CORIN: variants seen among roughly 807,000 people sequenced by gnomAD.
CORIN encodes the protein atrial natriuretic peptide-converting enzyme.
A neutral mutation model predicts 125.3 loss-of-function variants in CORIN; 117 were observed. The ratio of observed to expected loss-of-function variants is 0.93; its 90% confidence interval spans 0.80 to 1.09. CORIN has a LOEUF of 1.09. Among genes scored for constraint, CORIN ranks in the 50% least tolerant of loss-of-function variants. The probability of loss-of-function intolerance (pLI) is 0.00; values close to 1 mark genes in which losing one functional copy is unlikely to be tolerated. For synonymous variants in CORIN, 450 were observed against 466.4 expected (o/e 0.96, Z 0.45); for missense variants, 1,253 against 1,306.7 (o/e 0.96, Z 0.63).
chr4:47,756,710 A>C (rs965511605), intron 4 of CORIN, among the ~76,000 whole-genome samples: 1 of 152,196 alleles, frequency 6.6e-6, no homozygotes, highest in African/African-American at 2.4e-5. Flanking sequence ...TGGCAAATCA[A>C]TATGTCAGAG....
In CORIN at chr4:47,683,775, T is replaced by C; in HGVS notation, c.977A>G (p.Asp326Gly). ...GKCLNYSLVC[D>G]GYDDCGDLSD... Reference sequence around the variant, plus strand: ...CAAATCCCCACAGTCATCATATCCATCACACACAAGGCTGTAATTAAGGCA... The same window carrying C: ...CAAATCCCCACAGTCATCATATCCACCACACACAAGGCTGTAATTAAGGCA... Residue 326 changes from aspartate (D) to glycine (G), a missense_variant, in exon 7 of 22, where the codon GAT (aspartate) becomes GGT (glycine). Physicochemically the swap from Asp to Gly is moderately conservative, Grantham distance 94 (BLOSUM62 -1). Transcript: ENST00000273857. 3 of 1,613,816 alleles carry C rather than the reference T, an allele frequency of 1.9e-6. No homozygotes were observed. The highest frequency in any genetic ancestry group is 2.5e-6 in the Non-Finnish European group (3 of 1,179,822).
chr4:47,669,496 C>T (rs1341705002), intron 10 of CORIN, among the ~76,000 whole-genome samples: 1 of 151,950 alleles, frequency 6.6e-6, no homozygotes, highest in African/African-American at 2.4e-5. Context: ...CAGGCAGACA[C>T]CGCAGAAACC....
At chr4:47,752,403 A>G (rs1479193150) in intron 4 of CORIN, among the ~76,000 whole-genome samples, 2 of 152,174 alleles carry the variant, frequency 1.3e-5, no homozygotes, top group Non-Finnish European at 2.9e-5. Context: ...AAGTAAATGA[A>G]TCACACGCAG....
rs751515383 is a variant in CORIN, at chr4:47,603,482, C to T, written c.2727G>A (p.Arg909=). 18 of 1,614,162 alleles carry T rather than the reference C, an allele frequency of 1.1e-5. No homozygotes were observed. In the South Asian group the frequency reaches 1.6e-4, roughly 15 times the overall value. ...SEDISETGYV[R]PVCLPNPEQW... The stretch of plus-strand genomic sequence containing the variant: ...GCTCCGGGTTGGGCAAGCAGACAGG[C>T]CGGACGTAGCCAGTCTCACTGATGT... Residue 909 remains arginine, a synonymous_variant, in exon 20 of 22, where the codon CGG becomes CGA. Transcript: ENST00000273857.
intron 1 of CORIN, among the ~76,000 whole-genome samples, chr4:47,834,946 G>C (rs1733307119): frequency 6.6e-6 from 1 of 152,142 alleles, no homozygotes; most frequent in African/African-American, 2.4e-5. Context: ...AAGATTATTT[G>C]ACTTGCCCAG....
intron 6 of CORIN, among the ~76,000 whole-genome samples, chr4:47,690,642 G>A (rs937928185): frequency 2.6e-5 from 4 of 152,152 alleles, no homozygotes; most frequent in African/African-American, 9.7e-5. Context: ...CTACTTGCGA[G>A]AACCTTAGGA....
chr4:47,763,295 G>A (rs1189739367), intron 4 of CORIN, 84 bp downstream of exon 4: 13 of 1,006,330 alleles, frequency 1.3e-5, no homozygotes, highest in East Asian at 2.6e-5. Context: ...AAATAAAAGG[G>A]AGTCATTTGG....
chr4:47,741,747 T>C (rs1181371770), intron 5 of CORIN, among the ~76,000 whole-genome samples: 2 of 152,024 alleles, frequency 1.3e-5, no homozygotes, highest in East Asian at 3.8e-4. Flanking sequence ...GTACTAATAA[T>C]ACATGCTACA....
chr4:47,631,129 G>C (rs984070907), intron 16 of CORIN, among the ~76,000 whole-genome samples: 2 of 150,406 alleles, frequency 1.3e-5, no homozygotes, highest in Non-Finnish European at 3.0e-5. Flanking sequence ...ACTGCAGGAT[G>C]TTTTGTAACA....
chr4:47,659,386 A>C (rs909055412), intron 12 of CORIN, among the ~76,000 whole-genome samples: 5 of 152,196 alleles, frequency 3.3e-5, no homozygotes, highest in Non-Finnish European at 5.9e-5. Flanking sequence ...TGCTATAAAG[A>C]AATATCTGAG....
rs575643040 is a variant in CORIN at position 47,731,363 on chromosome 4, G to A, written c.799+13039C>T. Among the ~76,000 whole-genome samples, 45 of 152,226 alleles carry A rather than the reference G, an allele frequency of 3.0e-4. No homozygotes were observed. In the South Asian group the frequency reaches 8.9e-3, roughly 30 times the overall value. On this transcript the variant is annotated intron_variant, in intron 5 of 21. Coordinates refer to ENST00000273857, the MANE Select transcript of CORIN (RefSeq NM_006587.4). ...GAGGAGGGATGTGGGCTAGAGATCC[G>A]CATTTGTAGTTGTCAGTGTACCAGT... is the stretch of plus-strand genomic sequence containing the variant.
intron 11 of CORIN, among the ~76,000 whole-genome samples, chr4:47,662,939 T>C (rs1167519223): frequency 6.6e-6 from 1 of 152,230 alleles, no homozygotes; most frequent in Non-Finnish European, 1.5e-5. Context: ...ATGGTATTTC[T>C]ATATTAGGTC....
At chr4:47,679,266 A>G (rs1725155587) in intron 8 of CORIN, among the ~76,000 whole-genome samples, 1 of 152,252 alleles carries the variant, frequency 6.6e-6, no homozygotes, top group African/African-American at 2.4e-5. Flanking sequence ...AAGTGTTAAT[A>G]GCCATACTTG....
At chr4:47,833,521 C>CAAAAAAAAAAAAAAAAAAGAA (rs1733180207) in intron 1 of CORIN, among the ~76,000 whole-genome samples, 2 of 115,042 alleles carry the variant, frequency 1.7e-5, no homozygotes, top group East Asian at 2.9e-4. Context: ...AAAGCATAGG[C>CAAAAAAAAAAAAAAAAAAGAA]AAAAAAAAAA....
chr4:47,701,534 C>T (rs886144046), intron 5 of CORIN, among the ~76,000 whole-genome samples: 1 of 152,008 alleles, frequency 6.6e-6, no homozygotes, highest in Non-Finnish European at 1.5e-5. Flanking sequence ...TGTCAAGAAA[C>T]AACAGAATAG....
intron 17 of CORIN, among the ~76,000 whole-genome samples, chr4:47,624,906 A>G (rs991725010): frequency 6.6e-6 from 1 of 152,022 alleles, no homozygotes; most frequent in Non-Finnish European, 1.5e-5. Context: ...CCCTAAATAT[A>G]TAATTTCCAC....
chr4:47,825,694 C>A (rs1290190805), intron 1 of CORIN, among the ~76,000 whole-genome samples: 1 of 149,288 alleles, frequency 6.7e-6, no homozygotes, highest in Non-Finnish European at 1.5e-5. Flanking sequence ...TTTCAAACCA[C>A]TGCTTTTTTT....
chr4:47,760,607 T>A (rs930422841), intron 4 of CORIN, among the ~76,000 whole-genome samples: 1 of 152,172 alleles, frequency 6.6e-6, no homozygotes, highest in African/African-American at 2.4e-5. Flanking sequence ...CCTTAGGATT[T>A]TGGGAATGGT....
At chr4:47,833,908 G>A (rs545669785) in intron 1 of CORIN, among the ~76,000 whole-genome samples, 1 of 152,288 alleles carries the variant, frequency 6.6e-6, no homozygotes, top group South Asian at 2.1e-4. Context: ...GATAACAAGT[G>A]TTGGATGCCA....
Sources: gnomAD v4.1 joint callset for allele counts (sites outside exome capture counted in the v4.1 genomes callset) on GRCh38, gnomAD v4.1.1 for gene constraint, MANE v1.5 for transcripts, NCBI Gene and HGNC (gene_info 2026-07-23, HGNC 2026-07-21) for gene names.